The following PCDHA11 variants were observed in gnomAD, a reference collection of about 807,000 sequenced individuals.
PCDHA11 encodes the protein protocadherin alpha 11.
A neutral mutation model predicts 70.3 loss-of-function variants in PCDHA11; 61 were observed. That is an observed-to-expected ratio of 0.87 (90% CI 0.71 to 1.07). The LOEUF is 1.07. Ranked by LOEUF, PCDHA11 falls within the 50% of genes least tolerant of loss-of-function variation. The pLI, the probability that PCDHA11 is intolerant of heterozygous loss-of-function variation, is 0.00. For synonymous variants in PCDHA11, 633 were observed against 555.1 expected (o/e 1.14, Z -1.97); for missense variants, 1,324 against 1,237.5 (o/e 1.07, Z -1.05).
At chr5:140,968,770 A>G in intron 1 of PCDHA11, 2 of 1,614,216 alleles carry the variant, frequency 1.2e-6, no homozygotes, top group Non-Finnish European at 1.7e-6. Context: ...ATGGAGAGCC[A>G]TCACTATCAG....
Position 140,877,055 on chromosome 5 carries a change from T to C in PCDHA11, c.2391+5561T>C, listed in dbSNP as rs566250084. 7 of 1,612,792 alleles carry C rather than the reference T, an allele frequency of 4.3e-6. No homozygotes were observed. The Admixed American group carries it at 5.0e-5, about 12-fold the overall frequency. On this transcript the variant is annotated intron_variant, in intron 1 of 3. Coordinates refer to ENST00000398640, the MANE Select transcript of PCDHA11 (RefSeq NM_018902.5). ...CTGCAGCCGCTAGACCACGAGGAGC[T>C]GGAGCTGCTGCAGTTCCAGGTGAGC... is the stretch of plus-strand genomic sequence containing the variant.
chr5:140,924,901 A>AAAATAAAAT (rs1554202314), intron 1 of PCDHA11, among the ~76,000 whole-genome samples: 2 of 80,456 alleles, frequency 2.5e-5, no homozygotes, highest in African/African-American at 8.6e-5. Context: ...TCTCAAAAAA[A>AAAATAAAAT]AAAATAAAAT....
chr5:140,869,076 C>T lies in PCDHA11; in HGVS notation c.-28C>T, dbSNP rs367613564. On this transcript the variant is annotated 5_prime_UTR_variant, in exon 1 of 4. Transcript: ENST00000398640. ...ATCTGGTACTGTAAGTGTAAAGAAG[C>T]TTATTTTGGAAGCCAATTTCGTATG... The T allele has an allele frequency of 1.9e-6, 3 of 1,577,816 alleles. No homozygotes were observed. The highest frequency in any genetic ancestry group is 2.7e-5 in the African/African-American group (2 of 73,536).
chr5:141,006,029 G>A (rs539375544), intron 3 of PCDHA11, among the ~76,000 whole-genome samples: 12 of 151,322 alleles, frequency 7.9e-5, no homozygotes, highest in Non-Finnish European at 1.2e-4. Context: ...ATAATAGTAA[G>A]AGGGAGATTT....
At position 140,969,018 on chromosome 5, in the gene PCDHA11, G is replaced by A. The variant is rs143196630; in HGVS notation, c.2392-9931G>A. On this transcript the variant is annotated intron_variant, in intron 1 of 3. Transcript: ENST00000398640. ...GGAGGCTTCTGTGGAGTAAGGGAAA[G>A]GTCCCCTGCAGAACTGTACAAACAA... 33 of 1,614,058 alleles carry A rather than the reference G, an allele frequency of 2.0e-5. 1 individual carries two copies. In the Middle Eastern group the frequency reaches 4.9e-4, roughly 24 times the overall value.
chr5:140,890,386 A>T (rs905205351), intron 1 of PCDHA11, among the ~76,000 whole-genome samples: 1 of 152,202 alleles, frequency 6.6e-6, no homozygotes, highest in African/African-American at 2.4e-5. Context: ...TCTTTCTTAG[A>T]TAATCTATAA....
chr5:140,887,335 A>G (rs1360547523), intron 1 of PCDHA11, among the ~76,000 whole-genome samples: 1 of 152,102 alleles, frequency 6.6e-6, no homozygotes, highest in African/African-American at 2.4e-5. Flanking sequence ...TGACCTCGTG[A>G]TCCACCTGGC....
chr5:141,002,614 T>C (rs2098088159), intron 3 of PCDHA11, among the ~76,000 whole-genome samples: 1 of 152,130 alleles, frequency 6.6e-6, no homozygotes, highest in Non-Finnish European at 1.5e-5. Context: ...AACAGACACA[T>C]AACACAGACA....
chr5:140,917,328 GGA>G lies in PCDHA11; in HGVS notation c.2391+45836_2391+45837del, dbSNP rs371938358. On this transcript the variant is annotated intron_variant, in intron 1 of 3. Transcript: ENST00000398640. ...TACAATTTGGTGTTCATGTGGCGGGGGAGGGGGGGGATGGTGTAGGCTTCTGT... is the reference window on the plus strand; with the variant it reads ...TACAATTTGGTGTTCATGTGGCGGGGGGGGGGGGATGGTGTAGGCTTCTGT... 4.7e-4 allele frequency among the ~76,000 whole-genome samples: 70 copies of G among 148,990 alleles called. 3 individuals are homozygous for G. Among genetic ancestry groups the G allele is most frequent in the African/African-American group, 1.3e-3 (53 of 40,184 alleles).
chr5:140,979,514 C>G lies in PCDHA11; in HGVS notation c.2450+507C>G, dbSNP rs75440413. On this transcript the variant is annotated intron_variant, in intron 2 of 3. Transcript: ENST00000398640. Reference sequence around the variant, plus strand: ...ATTAGAGCCTCCTCATCTTTCCCATCTGTTGCTATCTTATTGTCATCAATG... The same window carrying G: ...ATTAGAGCCTCCTCATCTTTCCCATGTGTTGCTATCTTATTGTCATCAATG... 4.7e-4 allele frequency among the ~76,000 whole-genome samples: 71 copies of G among 152,274 alleles called. 1 individual carries two copies. In the East Asian group the frequency reaches 0.014, roughly 29 times the overall value.
chr5:140,938,908 C>A (rs1213664574), intron 1 of PCDHA11, among the ~76,000 whole-genome samples: 1 of 152,074 alleles, frequency 6.6e-6, no homozygotes, highest in Non-Finnish European at 1.5e-5. Flanking sequence ...CACACACACA[C>A]ACGCACAAGA....
intron 1 of PCDHA11, chr5:140,875,698 G>T: frequency 6.2e-7 from 1 of 1,614,084 alleles, no homozygotes; most frequent in Non-Finnish European, 8.5e-7. Flanking sequence ...GGACCTTCTG[G>T]AGGTAAATCT....
intron 1 of PCDHA11, among the ~76,000 whole-genome samples, chr5:140,887,455 A>T (rs1334702818): frequency 6.6e-6 from 1 of 152,134 alleles, no homozygotes; most frequent in Non-Finnish European, 1.5e-5. Flanking sequence ...ACAGTTTTTT[A>T]AAAGATATAA....
intron 1 of PCDHA11, among the ~76,000 whole-genome samples, chr5:140,892,705 T>C (rs1395351366): frequency 6.6e-6 from 1 of 152,210 alleles, no homozygotes; most frequent in Non-Finnish European, 1.5e-5. Flanking sequence ...TCAGGGTAAT[T>C]AGCATATTCA....
intron 3 of PCDHA11, among the ~76,000 whole-genome samples, chr5:141,001,306 A>C (rs1554258083): frequency 6.6e-6 from 1 of 152,174 alleles, no homozygotes; most frequent in African/African-American, 2.4e-5. Context: ...CAGAGATATG[A>C]AATAATTTGC....
intron 3 of PCDHA11, among the ~76,000 whole-genome samples, chr5:140,999,861 A>G (rs1181249308): frequency 6.6e-6 from 1 of 152,184 alleles, no homozygotes; most frequent in Non-Finnish European, 1.5e-5. Flanking sequence ...TTCCGCTCCA[A>G]GATTACTGAA....
chr5:140,878,784 C>T (rs2057723762), intron 1 of PCDHA11, among the ~76,000 whole-genome samples: 1 of 152,156 alleles, frequency 6.6e-6, no homozygotes, highest in Non-Finnish European at 1.5e-5. Flanking sequence ...AGTATATGTT[C>T]AATCACTTTT....
intron 1 of PCDHA11, chr5:140,881,421 C>G: frequency 1.1e-6 from 1 of 907,614 alleles, no homozygotes; most frequent in South Asian, 5.1e-5. Context: ...GATATTAGTT[C>G]CAGGCATATT....
intron 3 of PCDHA11, among the ~76,000 whole-genome samples, chr5:140,997,698 ATGTT>A (rs1297045627): frequency 1.4e-5 from 2 of 145,558 alleles, no homozygotes; most frequent in African/African-American, 5.1e-5. Flanking sequence ...GTGTGTGTGT[ATGTT>A]AACAAACACC....
Sources: allele counts gnomAD v4.1 joint callset (sites outside exome capture counted in the v4.1 genomes callset), GRCh38; gene constraint gnomAD v4.1.1; transcripts MANE v1.5; gene names NCBI Gene and HGNC (gene_info 2026-07-23, HGNC 2026-07-21).